Variants in LRRIQ4 observed in about 807,000 individuals in gnomAD.
LRRIQ4 encodes leucine-rich repeat and IQ domain-containing protein 4.
A neutral mutation model predicts 40.1 loss-of-function variants in LRRIQ4; 21 were observed. The ratio of observed to expected loss-of-function variants is 0.52; its 90% CI spans 0.37 to 0.75. The LOEUF is 0.75. LRRIQ4 is among the 30% of genes least tolerant of loss of function. The pLI is 0.00. For synonymous variants in LRRIQ4, 277 were observed against 277.1 expected, an observed-to-expected ratio of 1.00 and a Z score of 0.00; for missense variants, 655 against 660.0, an observed-to-expected ratio of 0.99 and a Z score of 0.08.
intron 1 of LRRIQ4, among the ~76,000 whole-genome samples, chr3:169,814,681 C>T (rs1779727116): frequency 6.6e-6 from 1 of 152,124 alleles, no homozygotes; most frequent in South Asian, 2.1e-4. Flanking sequence ...GACAGGGTTT[C>T]ACCATGTTGG....
chr3:169,836,080 A>C (rs1780296899), intron 5 of LRRIQ4, among the ~76,000 whole-genome samples: 1 of 152,242 alleles, frequency 6.6e-6, no homozygotes, highest in Admixed American at 6.5e-5. Flanking sequence ...AGTGAACAAA[A>C]CAAATATTTA....
chr3:169,837,555 A>G lies in LRRIQ4; in HGVS notation c.1607A>G (p.Lys536Arg), dbSNP rs1415509057. The G allele has an allele frequency of 2.5e-6, 4 of 1,606,042 alleles. No homozygotes were observed. Among genetic ancestry groups the G allele is most frequent in the Non-Finnish European group, 3.4e-6 (4 of 1,176,290 alleles). The change falls in exon 6 of 6, where the codon AAA (lysine) becomes AGA (arginine). Residue 536 changes from lysine to arginine, a missense_variant. Transcript: ENST00000340806. ...KFGELLKPQK[K>R]GKTSPKDKKG... ...GGTGAACTACTAAAACCACAAAAGAAAGGAAAGACCTCTCCAAAAGATAAG... is the reference window on the plus strand; with the variant it reads ...GGTGAACTACTAAAACCACAAAAGAGAGGAAAGACCTCTCCAAAAGATAAG...
rs972118668 is a variant in LRRIQ4, at chr3:169,837,733, C to T, written c.*102C>T. On this transcript the variant is annotated 3_prime_UTR_variant, in exon 6 of 6. Coordinates refer to ENST00000340806, the MANE Select transcript of LRRIQ4 (RefSeq NM_001080460.3). ...TACATTAAAATTATTCATAAAATTA[C>T]ACTTATGTGTAAAAATAAATGATTC... 3.7e-5 allele frequency: 33 copies of T among 886,474 alleles called. 1 individual carries two copies. In the Admixed American group the frequency reaches 7.8e-4, roughly 21 times the overall value. The allele number at this position is 886,474 out of a possible 1,614,324, so 54.9% of individuals were successfully genotyped here.
chr3:169,821,500 T>C (rs1318949209), intron 1 of LRRIQ4, among the ~76,000 whole-genome samples: 1 of 151,980 alleles, frequency 6.6e-6, no homozygotes, highest in African/African-American at 2.4e-5. Context: ...CTGGGCATGG[T>C]GGTGGGTGCC....
chr3:169,821,333 T>A (rs28633784), intron 1 of LRRIQ4, among the ~76,000 whole-genome samples: 2,380 of 142,808 alleles, frequency 0.017, 66 homozygotes, highest in African/African-American at 0.061. Context: ...AGAATAGGCA[T>A]TTTTTTTTAA....
At position 169,833,066 on chromosome 3, in the gene LRRIQ4, T is replaced by A. The variant is rs377103788; in HGVS notation, c.1413T>A (p.Val471=). The change falls in exon 5 of 6, where the codon GTT becomes GTA. Residue 471 remains valine (V), a synonymous_variant. Transcript: ENST00000340806. ...ENLDSLVNLK[V]LTLMDNPMEE... is the part of the protein sequence containing the mutation. ...TGGATTCCCTAGTGAATCTTAAGGT[T>A]CTGACACTGATGGACAATCCCATGG... 17 of 1,613,750 alleles carry A rather than the reference T, an allele frequency of 1.1e-5. No individual in the cohort carries two copies. Among genetic ancestry groups the A allele is most frequent in the Non-Finnish European group, 1.3e-5 (15 of 1,179,756 alleles).
Position 169,822,446 on chromosome 3 carries a change from C to G in LRRIQ4, c.525C>G (p.Asn175Lys), listed in dbSNP as rs774450810. Residue 175 changes from asparagine to lysine, a missense_variant, in exon 2 of 6, where the codon AAC (asparagine) becomes AAG (lysine). Asn to Lys is a moderately conservative substitution (Grantham distance 94, BLOSUM62 0). Coordinates refer to ENST00000340806, the MANE Select transcript of LRRIQ4 (RefSeq NM_001080460.3). ...TGAGGGAGATCTACCTGAAGCGAAA[C>G]CAGTTTGAAGTTTTCCCCCAGGAGC... is the stretch of plus-strand genomic sequence containing the variant. ...TKLREIYLKR[N>K]QFEVFPQELC... 9 of 1,613,792 alleles carry G rather than the reference C, an allele frequency of 5.6e-6. No individual in the cohort carries two copies. In the African/African-American group the frequency reaches 1.2e-4, roughly 22 times the overall value.
Position 169,833,041 on chromosome 3 carries a change from T to C in LRRIQ4, c.1388T>C (p.Leu463Ser), listed in dbSNP as rs1227784183. 1 of 1,613,848 alleles carries C rather than the reference T, an allele frequency of 6.2e-7. No homozygotes were observed. Among genetic ancestry groups the C allele is most frequent in the Admixed American group, 1.7e-5 (1 of 59,994 alleles). The change falls in exon 5 of 6, where the codon TTG becomes TCG. Residue 463 changes from leucine to serine, a missense_variant. Transcript: ENST00000340806. ...TTGCTCACCCATCTTCCAGAGAATTTGGATTCCCTAGTGAATCTTAAGGTT... is the reference window on the plus strand; with the variant it reads ...TTGCTCACCCATCTTCCAGAGAATTCGGATTCCCTAGTGAATCTTAAGGTT... The part of the protein sequence containing the change: ...DNLLTHLPEN[L>S]DSLVNLKVLT...
At position 169,834,233 on chromosome 3, in the gene LRRIQ4, G is replaced by A. The variant is rs187474769; in HGVS notation, c.1530+1050G>A. ...AAAAATTAGCTGGGCATGGTGGTGC[G>A]TGCCTGTAATCCCAGCTACTCTGGA... is the stretch of plus-strand genomic sequence containing the variant. On this transcript the variant is annotated intron_variant, in intron 5 of 5. Coordinates refer to ENST00000340806, the MANE Select transcript of LRRIQ4 (RefSeq NM_001080460.3). 4.4e-3 allele frequency among the ~76,000 whole-genome samples: 664 copies of A among 152,104 alleles called. 5 individuals are homozygous for A. Among genetic ancestry groups the A allele is most frequent in the African/African-American group, 0.015 (610 of 41,498 alleles).
chr3:169,821,781 T>C (rs1779895988), intron 1 of LRRIQ4, 110 bp from the exon 2 acceptor site: 3 of 549,218 alleles, frequency 5.5e-6, no homozygotes, highest in African/African-American at 2.0e-5. Flanking sequence ...TCTGTCATAA[T>C]TTCAAGCACT....
At chr3:169,827,649 G>A (rs1216987258) in intron 2 of LRRIQ4, among the ~76,000 whole-genome samples, 1 of 150,724 alleles carries the variant, frequency 6.6e-6, no homozygotes, top group Non-Finnish European at 1.5e-5. Context: ...TTTCCCATGT[G>A]GTCTCCCATG....
intron 4 of LRRIQ4, among the ~76,000 whole-genome samples, chr3:169,831,092 T>A (rs764631861): frequency 6.6e-6 from 1 of 152,022 alleles, no homozygotes; most frequent in Non-Finnish European, 1.5e-5. Context: ...ATATGATTCC[T>A]ACTTAAATAG....
At chr3:169,825,280 A>G (rs1780017774) in intron 2 of LRRIQ4, among the ~76,000 whole-genome samples, 1 of 152,240 alleles carries the variant, frequency 6.6e-6, no homozygotes, top group Non-Finnish European at 1.5e-5. Context: ...TGCTGGGATT[A>G]CAGGCGTGAG....
chr3:169,822,172 G>A lies in LRRIQ4; in HGVS notation c.251G>A (p.Arg84Lys), dbSNP rs773490122. 3.0e-5 allele frequency: 49 copies of A among 1,610,162 alleles called. No individual in the cohort carries two copies. In the Admixed American group the frequency reaches 6.5e-4, roughly 21 times the overall value. Residue 84 changes from arginine (R) to lysine (K), a missense_variant, in exon 2 of 6, where the codon AGG becomes AAG. By Grantham distance (26) the Arg-to-Lys change is conservative. Coordinates refer to ENST00000340806, the MANE Select transcript of LRRIQ4 (RefSeq NM_001080460.3). Reference sequence around the variant, plus strand: ...CTCTACCTGGATAAGAACAACCTGAGGAGCCTGTGCCCGGCGCTGGGGCTG... The same window carrying A: ...CTCTACCTGGATAAGAACAACCTGAAGAGCCTGTGCCCGGCGCTGGGGCTG... ...RVLYLDKNNL[R>K]SLCPALGLLS...
At chr3:169,830,320 T>C (rs559770897) in intron 3 of LRRIQ4, among the ~76,000 whole-genome samples, 172 bp from the exon 4 acceptor site, 1 of 140,496 alleles carries the variant, frequency 7.1e-6, no homozygotes, top group South Asian at 2.2e-4. Context: ...GTCTTGATGA[T>C]GGTCCTTTAG....
chr3:169,820,847 A>G (rs115865938), intron 1 of LRRIQ4, among the ~76,000 whole-genome samples: 2,376 of 152,308 alleles, frequency 0.016, 67 homozygotes, highest in African/African-American at 0.054. Context: ...TCTTTAGTCC[A>G]GCCTGCAATT....
rs750874350 is a variant in LRRIQ4, at chr3:169,822,425, G to A, written c.504G>A (p.Arg168=). Reference sequence around the variant, plus strand: ...AAATAGTGAACCAGACCAAGCTGAGGGAGATCTACCTGAAGCGAAACCAGT... The same window carrying A: ...AAATAGTGAACCAGACCAAGCTGAGAGAGATCTACCTGAAGCGAAACCAGT... ...PKEIVNQTKL[R]EIYLKRNQFE... Residue 168 remains arginine, a synonymous_variant, in exon 2 of 6, where the codon AGG becomes AGA. Coordinates refer to ENST00000340806, the MANE Select transcript of LRRIQ4 (RefSeq NM_001080460.3). 6.2e-7 allele frequency: 1 copy of A among 1,613,612 alleles called. No individual in the cohort carries two copies. The highest frequency in any genetic ancestry group is 1.7e-5 in the Admixed American group (1 of 59,972).
rs191103632 is a variant in LRRIQ4 at position 169,831,805 on chromosome 3, T to C, written c.1333+1175T>C. Among the ~76,000 whole-genome samples, 783 of 151,336 alleles carry C rather than the reference T, an allele frequency of 5.2e-3. 2 individuals carry two copies. Among genetic ancestry groups the C allele is most frequent in the Non-Finnish European group, 8.5e-3 (575 of 67,796 alleles). ...CAACATGGTGAAAACCCATCTCTAC[T>C]AAAAATACAAAATTAGCTGAGTGTG... is the stretch of plus-strand genomic sequence containing the variant. On this transcript the variant is annotated intron_variant, in intron 4 of 5. Transcript: ENST00000340806.
chr3:169,834,388 T>C (rs1451281028), intron 5 of LRRIQ4, among the ~76,000 whole-genome samples: 2 of 152,210 alleles, frequency 1.3e-5, no homozygotes, highest in Non-Finnish European at 2.9e-5. Flanking sequence ...AGTGTGTATA[T>C]GCTCAGGATG....
Sources: gnomAD v4.1 joint callset for allele counts (sites outside exome capture counted in the v4.1 genomes callset) on GRCh38, gnomAD v4.1.1 for gene constraint, MANE v1.5 for transcripts, NCBI Gene and HGNC (gene_info 2026-07-23, HGNC 2026-07-21) for gene names.